ALMS1: variants seen among roughly 807,000 people sequenced by gnomAD.
ALMS1 encodes ALMS1 centrosome and basal body associated protein.
ALMS1 carries 271 observed loss-of-function variants against 352.2 expected under a neutral mutation model. The observed-to-expected ratio is 0.77, with a 90% confidence interval of 0.70 to 0.85. The LOEUF (loss-of-function observed/expected upper bound fraction) is 0.85, where lower values mean the gene tolerates loss of function less well. Among genes scored for constraint, ALMS1 ranks in the 40% least tolerant of loss-of-function variants. The pLI is 0.00. For missense variants in ALMS1, 5,445 were observed against 4,870.7 expected, an observed-to-expected ratio of 1.12 and a Z score of -3.51; for synonymous variants, 1,865 against 1,761.2, an observed-to-expected ratio of 1.06 and a Z score of -1.48.
intron 16 of ALMS1, among the ~76,000 whole-genome samples, chr2:73,582,202 A>T (rs1378177732): frequency 1.3e-5 from 2 of 152,050 alleles, no homozygotes; most frequent in Admixed American, 1.3e-4. Flanking sequence ...TTCCCACCCA[A>T]TCTGAAGGTC....
chr2:73,452,951 T>C lies in ALMS1; in HGVS notation c.6424T>C (p.Phe2142Leu), dbSNP rs1255430077. The change falls in exon 8 of 23, where the codon TTT becomes CTT. Residue 2142 changes from phenylalanine (F) to leucine (L), a missense_variant. Physicochemically the swap from Phe to Leu is conservative, Grantham distance 22. Transcript: ENST00000613296. ...TVLPTALPSS[F>L]SHREKPDIFY... Reference sequence around the variant, plus strand: ...ATTACCAACAGCTCTTCCTAGTTCCTTTTCACATCGAGAGAAACCAGATAT... The same window carrying C: ...ATTACCAACAGCTCTTCCTAGTTCCCTTTCACATCGAGAGAAACCAGATAT... The C allele has an allele frequency of 6.2e-7, 1 of 1,612,988 alleles. No homozygotes were observed. The highest frequency in any genetic ancestry group is 8.5e-7 in the Non-Finnish European group (1 of 1,179,572).
chr2:73,604,793 T>C (rs2104207215), intron 21 of ALMS1, among the ~76,000 whole-genome samples: 1 of 152,288 alleles, frequency 6.6e-6, no homozygotes, highest in South Asian at 2.1e-4. Flanking sequence ...TTTTTTGCTG[T>C]GTTGGCTATT....
chr2:73,532,251 C>T (rs2103987097), intron 11 of ALMS1, among the ~76,000 whole-genome samples: 1 of 152,296 alleles, frequency 6.6e-6, no homozygotes, highest in South Asian at 2.1e-4. Flanking sequence ...CTGGATACTG[C>T]CTATGTTTGT....
intron 10 of ALMS1, among the ~76,000 whole-genome samples, chr2:73,510,417 G>T (rs900356136): frequency 3.3e-5 from 5 of 152,176 alleles, no homozygotes; most frequent in Admixed American, 2.6e-4. Flanking sequence ...TCTTTTTGTT[G>T]ATGTTGATGC....
intron 6 of ALMS1, among the ~76,000 whole-genome samples, chr2:73,426,836 G>A (rs1339526681): frequency 6.6e-6 from 1 of 152,114 alleles, no homozygotes; most frequent in Non-Finnish European, 1.5e-5. Context: ...ATTTTTTTCT[G>A]GGCGGGGAGG....
chr2:73,399,131 G>A (rs979564739), intron 1 of ALMS1, among the ~76,000 whole-genome samples: 2 of 152,138 alleles, frequency 1.3e-5, no homozygotes, highest in African/African-American at 4.8e-5. Context: ...GATTACAGGC[G>A]TGAGCCACTG....
chr2:73,421,626 C>T (rs959491820), intron 3 of ALMS1, among the ~76,000 whole-genome samples: 7 of 152,024 alleles, frequency 4.6e-5, no homozygotes, highest in Non-Finnish European at 2.9e-5. Context: ...CTTTGCTAGG[C>T]ACTGAGGATA....
At chr2:73,422,568 A>G (rs149625244) in intron 3 of ALMS1, among the ~76,000 whole-genome samples, 1 of 152,236 alleles carries the variant, frequency 6.6e-6, no homozygotes, top group Non-Finnish European at 1.5e-5. Context: ...AAGTTACTTA[A>G]TGCTTTGTAA....
chr2:73,534,593 T>C (rs914688626), intron 11 of ALMS1, among the ~76,000 whole-genome samples: 6 of 152,326 alleles, frequency 3.9e-5, no homozygotes, highest in African/African-American at 1.2e-4. Context: ...GTATCACTTA[T>C]AATGTATTAA....
intron 15 of ALMS1, among the ~76,000 whole-genome samples, chr2:73,568,538 A>T (rs569311866): frequency 6.6e-6 from 1 of 152,308 alleles, no homozygotes; most frequent in South Asian, 2.1e-4. Flanking sequence ...ATGTTTGTAG[A>T]TGCACAAAAT....
intron 16 of ALMS1, among the ~76,000 whole-genome samples, chr2:73,592,941 C>T (rs937193675): frequency 5.3e-5 from 8 of 152,126 alleles, no homozygotes; most frequent in Non-Finnish European, 8.8e-5. Context: ...AAAACAGAAG[C>T]AGCCAGCCAG....
chr2:73,444,108 C>G (rs1479163386), intron 7 of ALMS1, among the ~76,000 whole-genome samples: 1 of 152,154 alleles, frequency 6.6e-6, no homozygotes, highest in Non-Finnish European at 1.5e-5. Context: ...TGGATATCTT[C>G]TCCCTTGAAG....
intron 11 of ALMS1, among the ~76,000 whole-genome samples, chr2:73,528,380 A>G (rs966703004): frequency 6.6e-6 from 1 of 152,194 alleles, no homozygotes; most frequent in Non-Finnish European, 1.5e-5. Flanking sequence ...CTGTAAGAAT[A>G]CTTGCTTTAT....
At chr2:73,465,807 AT>A (rs1672327363) in intron 9 of ALMS1, among the ~76,000 whole-genome samples, 2 of 152,124 alleles carry the variant, frequency 1.3e-5, no homozygotes, top group East Asian at 1.9e-4. Context: ...AAACAACCCC[AT>A]CAAAAAGTGG....
chr2:73,500,055 C>G (rs1029330904), intron 10 of ALMS1, among the ~76,000 whole-genome samples: 2 of 152,130 alleles, frequency 1.3e-5, no homozygotes, highest in Non-Finnish European at 1.5e-5. Context: ...CTCAAGTATT[C>G]CTTAATAGCA....
chr2:73,441,301 G>A (rs997162338), intron 7 of ALMS1, among the ~76,000 whole-genome samples: 2 of 152,210 alleles, frequency 1.3e-5, no homozygotes, highest in African/African-American at 4.8e-5. Flanking sequence ...TGCCACTGGG[G>A]AAGGAAAGTG....
In ALMS1 at chr2:73,452,249, C is replaced by G; in HGVS notation, c.5722C>G (p.Gln1908Glu). 3.1e-6 allele frequency: 5 copies of G among 1,614,042 alleles called. No homozygotes were observed. Among genetic ancestry groups the G allele is most frequent in the Non-Finnish European group, 4.2e-6 (5 of 1,179,998 alleles). ...NREKASIFHQQELPDVTEEAL... is the reference protein window; with the variant it reads ...NREKASIFHQEELPDVTEEAL... ...AGAGAAGGCCAGTATTTTTCATCAG[C>G]AGGAGTTGCCAGATGTTACTGAAGA... The change falls in exon 8 of 23, where the codon CAG becomes GAG. Residue 1908 changes from glutamine to glutamate, a missense_variant. Physicochemically the swap from Gln to Glu is conservative, Grantham distance 29. Coordinates refer to ENST00000613296, the MANE Select transcript of ALMS1 (RefSeq NM_001378454.1).
In ALMS1 at chr2:73,452,794, A is replaced by C. The variant is rs1357847945; in HGVS notation, c.6267A>C (p.Val2089=). ...CTGATGTGAATACTGGAAAACCAGT[A>C]TCTCTCTCTAGTTCTTATTTTCACA... ...ELTDVNTGKP[V]SLSSSYFHRE... Residue 2089 remains valine, a synonymous_variant, in exon 8 of 23, where the codon GTA becomes GTC. Transcript: ENST00000613296. 3 of 1,613,548 alleles carry C rather than the reference A, an allele frequency of 1.9e-6. No individual in the cohort carries two copies. Among genetic ancestry groups the C allele is most frequent in the Non-Finnish European group, 1.7e-6 (2 of 1,179,972 alleles).
chr2:73,490,487 C>A lies in ALMS1; in HGVS notation c.8528C>A (p.Thr2843Asn). ...FKEIQISDNH[T>N]LISMGRPSST... The stretch of plus-strand genomic sequence containing the variant: ...GAAATTCAGATTTCTGATAACCATA[C>A]CCTTATTAGCATGGGCAGACCAAGT... Residue 2843 changes from threonine to asparagine, a missense_variant, in exon 10 of 23, where the codon ACC becomes AAC. By Grantham distance (65) the Thr-to-Asn change is moderately conservative. Coordinates refer to ENST00000613296, the MANE Select transcript of ALMS1 (RefSeq NM_001378454.1). The A allele has an allele frequency of 6.2e-7, 1 of 1,614,160 alleles. No individual in the cohort carries two copies. Among genetic ancestry groups the A allele is most frequent in the Admixed American group, 1.7e-5 (1 of 60,026 alleles).
Sources: gnomAD v4.1 joint callset for allele counts (sites outside exome capture counted in the v4.1 genomes callset) on GRCh38, gnomAD v4.1.1 for gene constraint, MANE v1.5 for transcripts, NCBI Gene and HGNC (gene_info 2026-07-23, HGNC 2026-07-21) for gene names.